The following RPS6KA5 variants were observed in gnomAD, a reference collection of about 807,000 sequenced individuals.
RPS6KA5 encodes ribosomal protein S6 kinase alpha-5.
RPS6KA5 carries 27 observed loss-of-function variants against 85.5 expected under a neutral mutation model. The ratio of observed to expected loss-of-function variants is 0.32; its 90% CI spans 0.23 to 0.44. The LOEUF (loss-of-function observed/expected upper bound fraction) is 0.44. RPS6KA5 is among the 20% of genes least tolerant of loss of function. The pLI is 1.00. For missense variants in RPS6KA5, 811 were observed against 980.9 expected (o/e 0.83, Z 2.31); for synonymous variants, 334 against 348.2 (o/e 0.96, Z 0.46).
chr14:90,889,110 A>G (rs376208009), intron 14 of RPS6KA5, among the ~76,000 whole-genome samples: 59 of 152,118 alleles, frequency 3.9e-4, no homozygotes, highest in African/African-American at 1.3e-3. Context: ...CCTGACCAAC[A>G]TGGTAAAACC....
chr14:90,879,277 ATG>A (rs2033676189), intron 14 of RPS6KA5, among the ~76,000 whole-genome samples: 1 of 98,196 alleles, frequency 1.0e-5, no homozygotes, highest in Non-Finnish European at 2.4e-5. Flanking sequence ...GCTTACACAC[ATG>A]TCACTTGTCT....
chr14:90,910,319 T>C lies in RPS6KA5; in HGVS notation c.807-4020A>G, dbSNP rs1336123223. Reference sequence around the variant, plus strand: ...TCTTCCTACTCATGAATTAAGTTTCTGGAAACCTCTGTGGCAAAAGGAAAT... The same window carrying C: ...TCTTCCTACTCATGAATTAAGTTTCCGGAAACCTCTGTGGCAAAAGGAAAT... On this transcript the variant is annotated intron_variant, in intron 7 of 16. Coordinates refer to ENST00000614987, the MANE Select transcript of RPS6KA5 (RefSeq NM_004755.4). Among the ~76,000 whole-genome samples the C allele has an allele frequency of 2.6e-5, 4 of 152,272 alleles. No homozygotes were observed. In the East Asian group the frequency reaches 7.7e-4, roughly 29 times the overall value.
chr14:90,979,754 A>G (rs1184032379), intron 2 of RPS6KA5, among the ~76,000 whole-genome samples: 2 of 152,240 alleles, frequency 1.3e-5, no homozygotes, highest in Non-Finnish European at 2.9e-5. Flanking sequence ...GATTCACTTA[A>G]TCCTCAAAAC....
chr14:90,953,211 A>G (rs1702734091), intron 3 of RPS6KA5, among the ~76,000 whole-genome samples: 2 of 152,360 alleles, frequency 1.3e-5, no homozygotes, highest in South Asian at 4.1e-4. Context: ...TTCCCAAATA[A>G]TACTTTTATA....
At chr14:90,917,255 A>C (rs1022155542) in intron 7 of RPS6KA5, among the ~76,000 whole-genome samples, 1 of 152,360 alleles carries the variant, frequency 6.6e-6, no homozygotes, top group African/African-American at 2.4e-5. Flanking sequence ...TTTAAAAAGA[A>C]GTACTGCTCA....
intron 1 of RPS6KA5, among the ~76,000 whole-genome samples, chr14:91,021,149 A>G (rs1031613288): frequency 6.6e-6 from 1 of 152,152 alleles, no homozygotes; most frequent in South Asian, 2.1e-4. Flanking sequence ...TCCTATCTAG[A>G]TTGAGCATTC....
intron 1 of RPS6KA5, among the ~76,000 whole-genome samples, chr14:91,048,185 T>C (rs2139930466): frequency 6.6e-6 from 1 of 152,278 alleles, no homozygotes; most frequent in South Asian, 2.1e-4. Flanking sequence ...GTAAGAATAG[T>C]ACTAGGAAAA....
At chr14:90,923,073 T>G (rs780862540) in intron 6 of RPS6KA5, 40 bp downstream of exon 6, 1 of 1,432,102 alleles carries the variant, frequency 7.0e-7, no homozygotes, top group East Asian at 2.3e-5. Flanking sequence ...ATAGTACATT[T>G]TATAGAAATA....
chr14:90,889,984 T>C (rs2034462278), intron 14 of RPS6KA5, among the ~76,000 whole-genome samples: 1 of 152,220 alleles, frequency 6.6e-6, no homozygotes, highest in African/African-American at 2.4e-5. Context: ...TAACGTTCTA[T>C]TTCTAATCAC....
intron 5 of RPS6KA5, among the ~76,000 whole-genome samples, chr14:90,927,177 A>G (rs920459376): frequency 6.6e-6 from 1 of 152,150 alleles, no homozygotes; most frequent in African/African-American, 2.4e-5. Flanking sequence ...TGTGTATAAA[A>G]ATAGATAAGT....
At chr14:90,924,394 A>G (rs2036554950) in intron 5 of RPS6KA5, among the ~76,000 whole-genome samples, 1 of 152,184 alleles carries the variant, frequency 6.6e-6, no homozygotes, top group South Asian at 2.1e-4. Context: ...ATAATGCCTT[A>G]AAATAATTCT....
At chr14:90,913,572 T>A (rs150930770) in intron 7 of RPS6KA5, among the ~76,000 whole-genome samples, 1,799 of 152,344 alleles carry the variant, frequency 0.012, 19 homozygotes, top group Admixed American at 0.019. Flanking sequence ...ACTGGCTTGT[T>A]AGACGTGCCT....
intron 1 of RPS6KA5, among the ~76,000 whole-genome samples, chr14:91,041,491 G>A (rs1398757783): frequency 1.3e-5 from 2 of 152,162 alleles, no homozygotes; most frequent in Non-Finnish European, 2.9e-5. Context: ...CTCTAATTTA[G>A]TGGTTGCCCA....
At chr14:91,024,591 C>A (rs2041917424) in intron 1 of RPS6KA5, among the ~76,000 whole-genome samples, 1 of 152,120 alleles carries the variant, frequency 6.6e-6, no homozygotes, top group Admixed American at 6.5e-5. Flanking sequence ...CCTGTTTCTG[C>A]AAAAATGTAT....
rs1299041883 is a variant in RPS6KA5 at position 90,851,215 on chromosome 14, CT to C, written c.*20858del. On this transcript the variant is annotated 3_prime_UTR_variant, in exon 17 of 17. Transcript: ENST00000614987. ...ACCATGCCTGGCTAATTTTTTTGTA[CT>C]TTTAGTAGAGACGGGGTTTCACCGT... 3 of 151,942 alleles carry C rather than the reference CT, an allele frequency of 2.0e-5. No individual in the cohort carries two copies. The highest frequency in any genetic ancestry group is 4.4e-5 in the Non-Finnish European group (3 of 67,996). The allele number at this position is 151,942 out of a possible 1,614,324, so 9.4% of individuals were successfully genotyped here.
At chr14:90,985,669 GACTTAT>G (rs1281126250) in intron 2 of RPS6KA5, among the ~76,000 whole-genome samples, 1 of 152,134 alleles carries the variant, frequency 6.6e-6, no homozygotes, top group Non-Finnish European at 1.5e-5. Flanking sequence ...GCTCTTAAGT[GACTTAT>G]ACTTAGCCAG....
intron 3 of RPS6KA5, among the ~76,000 whole-genome samples, chr14:90,959,048 G>A (rs985965213): frequency 2.0e-5 from 3 of 151,998 alleles, no homozygotes; most frequent in Non-Finnish European, 4.4e-5. Context: ...GGCAGTGCAG[G>A]CCTGGTGTAT....
At chr14:90,881,316 T>C (rs965008398) in intron 14 of RPS6KA5, among the ~76,000 whole-genome samples, 6 of 150,978 alleles carry the variant, frequency 4.0e-5, no homozygotes, top group African/African-American at 1.2e-4. Flanking sequence ...CTGGGTGTCA[T>C]GGTATATGCG....
chr14:90,877,615 G>C (rs146016720), intron 14 of RPS6KA5, among the ~76,000 whole-genome samples: 114 of 152,284 alleles, frequency 7.5e-4, no homozygotes, highest in African/African-American at 1.9e-3. Context: ...AGCTTCTGCA[G>C]TTCCCCATAT....
Sources: gnomAD v4.1 joint callset for allele counts (sites outside exome capture counted in the v4.1 genomes callset) on GRCh38, gnomAD v4.1.1 for gene constraint, MANE v1.5 for transcripts, NCBI Gene and HGNC (gene_info 2026-07-23, HGNC 2026-07-21) for gene names.